The following SLC6A5 variants were observed in gnomAD, a reference collection of about 807,000 sequenced individuals.
The protein encoded by SLC6A5 is sodium- and chloride-dependent glycine transporter 2.
A neutral mutation model predicts 90.5 loss-of-function variants in SLC6A5; 58 were observed. The ratio of observed to expected loss-of-function variants is 0.64; its 90% CI spans 0.52 to 0.80. The LOEUF is 0.80. Among genes scored for constraint, SLC6A5 ranks in the 30% least tolerant of loss-of-function variants. SLC6A5 has a pLI of 0.00. For missense variants in SLC6A5, 1,015 were observed against 1,017.6 expected (o/e 1.00, Z 0.03); for synonymous variants, 427 against 401.4 (o/e 1.06, Z -0.76).
intron 8 of SLC6A5, among the ~76,000 whole-genome samples, 199 bp downstream of exon 8, chr11:20,627,041 T>A (rs1240554901): frequency 6.6e-6 from 1 of 152,210 alleles, no homozygotes; most frequent in African/African-American, 2.4e-5. Context: ...CTGGAATAGT[T>A]GTCCTACATC....
At chr11:20,643,961 T>G (rs559203832) in intron 13 of SLC6A5, among the ~76,000 whole-genome samples, 2 of 152,322 alleles carry the variant, frequency 1.3e-5, no homozygotes, top group South Asian at 4.1e-4. Context: ...ATCCATTATT[T>G]TGATAGTCGT....
chr11:20,639,375 C>T (rs890854428), intron 13 of SLC6A5, among the ~76,000 whole-genome samples: 4 of 152,034 alleles, frequency 2.6e-5, no homozygotes, highest in Admixed American at 6.6e-5. Context: ...ATCAGGAAGG[C>T]GAACACTTCC....
intron 5 of SLC6A5, among the ~76,000 whole-genome samples, chr11:20,609,522 G>A (rs1029678881): frequency 2.9e-4 from 44 of 152,170 alleles, no homozygotes; most frequent in African/African-American, 8.4e-4. Flanking sequence ...TCTAGACAAC[G>A]GATATTGCCA....
At position 20,654,968 on chromosome 11, in the gene SLC6A5, C is replaced by T. The variant is rs759559887; in HGVS notation, c.*100C>T. The T allele has an allele frequency of 1.3e-5, 16 of 1,262,112 alleles. No individual in the cohort carries two copies. The highest frequency in any genetic ancestry group is 1.9e-5 in the Non-Finnish European group (16 of 859,432). The allele number at this position is 1,262,112 out of a possible 1,614,324, so 78.2% of individuals were successfully genotyped here. On this transcript the variant is annotated 3_prime_UTR_variant, in exon 16 of 16. Coordinates refer to ENST00000525748, the MANE Select transcript of SLC6A5 (RefSeq NM_004211.5). ...CCTCCCATTTTTCTTCATCTTTCTT[C>T]CTACATCTTGGTTCACATCCACGCA...
intron 15 of SLC6A5, among the ~76,000 whole-genome samples, chr11:20,654,293 C>T (rs1233876234): frequency 2.6e-5 from 4 of 152,084 alleles, no homozygotes; most frequent in African/African-American, 9.7e-5. Context: ...TGTAGCAATC[C>T]ACTGTTGAGA....
chr11:20,649,426 A>C (rs1003217685), intron 14 of SLC6A5, among the ~76,000 whole-genome samples: 2 of 152,212 alleles, frequency 1.3e-5, no homozygotes, highest in Non-Finnish European at 2.9e-5. Flanking sequence ...GGCCAGTCCC[A>C]GCCAAGGACA....
At chr11:20,608,946 C>G (rs1457847923) in intron 5 of SLC6A5, among the ~76,000 whole-genome samples, 2,309 of 114,014 alleles carry the variant, frequency 0.02, 22 homozygotes, top group East Asian at 0.068. Context: ...CTCTCTCTCT[C>G]TCTCTCTCTC....
chr11:20,647,383 A>AGT (rs1853438654), intron 14 of SLC6A5, among the ~76,000 whole-genome samples: 2 of 97,284 alleles, frequency 2.1e-5, no homozygotes, highest in Non-Finnish European at 4.4e-5. Flanking sequence ...TATTCCTATT[A>AGT]TATAGTTATA....
chr11:20,636,391 T>G lies in SLC6A5; in HGVS notation c.1709T>G (p.Met570Arg). 6.2e-7 allele frequency: 1 copy of G among 1,612,852 alleles called. No individual in the cohort carries two copies. The highest frequency in any genetic ancestry group is 8.5e-7 in the Non-Finnish European group (1 of 1,178,822). Reference protein sequence around the residue: ...SPFWAIIFFLMLLTLGLDTMF... With the variant: ...SPFWAIIFFLRLLTLGLDTMF... The stretch of plus-strand genomic sequence containing the variant: ...TTCTGGGCCATCATCTTTTTCCTGA[T>G]GCTCCTCACTCTTGGACTTGACACT... Residue 570 changes from methionine (M) to arginine (R), a missense_variant, in exon 11 of 16, where the codon ATG becomes AGG. Transcript: ENST00000525748.
intron 7 of SLC6A5, among the ~76,000 whole-genome samples, chr11:20,618,667 T>C (rs773158508): frequency 5.3e-5 from 8 of 152,158 alleles, no homozygotes; most frequent in Non-Finnish European, 8.8e-5. Context: ...TTGGGTGCAG[T>C]GGCTCAGGCC....
intron 2 of SLC6A5, among the ~76,000 whole-genome samples, chr11:20,602,469 C>T (rs1852498756): frequency 6.6e-6 from 1 of 152,110 alleles, no homozygotes; most frequent in South Asian, 2.1e-4. Context: ...TCTTCAATTT[C>T]CCTCTCGTCT....
In SLC6A5 at chr11:20,604,217, G is replaced by T. The variant is rs879793112; in HGVS notation, c.541-69G>T. ...GCTGGGAAGGACCCCTAGCGGGGGG[G>T]AGGGTGGAAGGGGCCTGCTTGTGGA... On this transcript the variant is annotated intron_variant, in intron 2 of 15. Transcript: ENST00000525748. 10 of 1,534,378 alleles carry T rather than the reference G, an allele frequency of 6.5e-6. No individual in the cohort carries two copies. The South Asian group carries it at 1.0e-4, about 16-fold the overall frequency.
chr11:20,628,228 G>A (rs769535230), intron 9 of SLC6A5, 145 bp downstream of exon 9: 3 of 725,496 alleles, frequency 4.1e-6, no homozygotes, highest in Non-Finnish European at 7.3e-6. Flanking sequence ...GAAACCACCT[G>A]CTAAGGCCTA....
chr11:20,611,790 T>C (rs1852699382), intron 5 of SLC6A5, among the ~76,000 whole-genome samples: 1 of 150,232 alleles, frequency 6.7e-6, no homozygotes, highest in African/African-American at 2.4e-5. Flanking sequence ...AAACAAGGTG[T>C]CAATCCCCAC....
At chr11:20,653,029 G>T (rs1023075571) in intron 15 of SLC6A5, among the ~76,000 whole-genome samples, 4 of 152,146 alleles carry the variant, frequency 2.6e-5, no homozygotes, top group Non-Finnish European at 5.9e-5. Context: ...TCCCTTGCTG[G>T]ACCCAATTCC....
At chr11:20,651,694 G>A (rs1397327042) in intron 14 of SLC6A5, among the ~76,000 whole-genome samples, 3 of 151,954 alleles carry the variant, frequency 2.0e-5, no homozygotes. Flanking sequence ...GATCACCTGA[G>A]GTCAGGAGTT....
chr11:20,622,375 T>A (rs957322726), intron 7 of SLC6A5, among the ~76,000 whole-genome samples: 4 of 152,204 alleles, frequency 2.6e-5, no homozygotes, highest in Admixed American at 2.6e-4. Context: ...GTTCCTGAAG[T>A]GCAGGGCCGG....
chr11:20,599,742 T>C, intron 1 of SLC6A5, 67 bp downstream of exon 1: 1 of 1,599,512 alleles, frequency 6.3e-7, no homozygotes, highest in Non-Finnish European at 8.6e-7. Context: ...CAGATTCGTT[T>C]TGGCTATTTC....
chr11:20,618,782 C>T (rs1416956995), intron 7 of SLC6A5, among the ~76,000 whole-genome samples: 2 of 151,972 alleles, frequency 1.3e-5, no homozygotes, highest in East Asian at 1.9e-4. Context: ...ATGAAAAATA[C>T]AAAAATTAGC....
Sources: allele counts gnomAD v4.1 joint callset (sites outside exome capture counted in the v4.1 genomes callset), GRCh38; gene constraint gnomAD v4.1.1; transcripts MANE v1.5; gene names NCBI Gene and HGNC (gene_info 2026-07-23, HGNC 2026-07-21).